Variants in SLC6A6 observed in about 807,000 individuals in gnomAD.
SLC6A6 encodes solute carrier family 6 member 6.
Under a neutral mutation model 68.8 loss-of-function variants are expected in SLC6A6, and 16 were observed. That is an observed-to-expected ratio of 0.23 (90% CI 0.16 to 0.35). The LOEUF is 0.35. Among genes scored for constraint, SLC6A6 ranks in the 10% least tolerant of loss-of-function variants. The probability of loss-of-function intolerance (pLI) is 1.00; values close to 1 mark genes in which losing one functional copy is unlikely to be tolerated. For synonymous variants in SLC6A6, 312 were observed against 315.4 expected (o/e 0.99, Z 0.12); for missense variants, 474 against 802.8 (o/e 0.59, Z 4.95).
chr3:14,454,937 AGCTCCTT>A (rs1700336408), intron 5 of SLC6A6, among the ~76,000 whole-genome samples: 1 of 152,160 alleles, frequency 6.6e-6, no homozygotes, highest in Non-Finnish European at 1.5e-5. Flanking sequence ...TCCAGGACCG[AGCTCCTT>A]AGTAGGACAC....
Position 14,481,797 on chromosome 3 carries a change from G to A in SLC6A6, c.1678G>A (p.Val560Ile), listed in dbSNP as rs200411977. The A allele has an allele frequency of 1.4e-5, 22 of 1,614,132 alleles. No homozygotes were observed. The highest frequency in any genetic ancestry group is 3.3e-4 in the Middle Eastern group (2 of 6,058). Residue 560 changes from valine to isoleucine, a missense_variant, in exon 14 of 15, where the codon GTC becomes ATC. Transcript: ENST00000622186. This position sits in a 1 kb window ranked among gnomAD's most constrained non-coding sequence, Gnocchi z 4.7. ...TTCCTCCATGCTCTGCGTTCCCTTG[G>A]TCATCGTCATCCGCCTCTGCCAGAC... ...ALSSMLCVPLVIVIRLCQTEG... is the reference protein window; with the variant it reads ...ALSSMLCVPLIIVIRLCQTEG...
At chr3:14,471,383 G>T (rs945683501) in intron 9 of SLC6A6, among the ~76,000 whole-genome samples, 5 of 152,192 alleles carry the variant, frequency 3.3e-5, no homozygotes, top group African/African-American at 1.2e-4. Context: ...TTGAAACCCA[G>T]AGCCCTTTTC....
At position 14,468,744 on chromosome 3, in the gene SLC6A6, G is replaced by C. The variant is rs1283269020; in HGVS notation, c.1096+532G>C. 6.6e-6 allele frequency among the ~76,000 whole-genome samples: 1 copy of C among 152,230 alleles called. No individual in the cohort carries two copies. Among genetic ancestry groups the C allele is most frequent in the Non-Finnish European group, 1.5e-5 (1 of 68,042 alleles). ...GTGCAGTGTGTGGGGGGAGGGCGTAGATGAGGGGACGACCTACTGGGACGG... is the reference window on the plus strand; with the variant it reads ...GTGCAGTGTGTGGGGGGAGGGCGTACATGAGGGGACGACCTACTGGGACGG... On this transcript the variant is annotated intron_variant, in intron 9 of 14. Transcript: ENST00000622186. This position sits in a 1 kb window ranked among gnomAD's most constrained non-coding sequence, Gnocchi z 4.5.
chr3:14,435,402 C>A (rs975528208), intron 2 of SLC6A6, among the ~76,000 whole-genome samples: 3 of 152,196 alleles, frequency 2.0e-5, no homozygotes, highest in Non-Finnish European at 4.4e-5. Flanking sequence ...GCAGTTAAAT[C>A]AGGAGAGGGG....
chr3:14,466,136 C>T (rs1196484086), intron 6 of SLC6A6, among the ~76,000 whole-genome samples: 3 of 152,000 alleles, frequency 2.0e-5, no homozygotes, highest in African/African-American at 7.3e-5. Context: ...GTGGTGGGCA[C>T]CCGTAATCCC....
At chr3:14,429,849 G>A (rs531631202) in intron 2 of SLC6A6, among the ~76,000 whole-genome samples, 15 of 152,314 alleles carry the variant, frequency 9.8e-5, no homozygotes, top group East Asian at 7.7e-4. Flanking sequence ...TATGAGGCCC[G>A]CTTACAGGTC....
At chr3:14,446,837 AG>A (rs1700133120) in intron 4 of SLC6A6, among the ~76,000 whole-genome samples, 1 of 152,226 alleles carries the variant, frequency 6.6e-6, no homozygotes, top group Non-Finnish European at 1.5e-5. Flanking sequence ...TCCTATGTTT[AG>A]TACTTAGTAT....
chr3:14,470,586 G>A (rs1041949473), intron 9 of SLC6A6, among the ~76,000 whole-genome samples: 11 of 152,184 alleles, frequency 7.2e-5, no homozygotes, highest in South Asian at 2.1e-4. Flanking sequence ...TCTTCACAAC[G>A]TCCCTGGTGG....
intron 2 of SLC6A6, among the ~76,000 whole-genome samples, chr3:14,426,205 G>A (rs146481709): frequency 2.6e-5 from 4 of 152,268 alleles, no homozygotes; most frequent in Non-Finnish European, 4.4e-5. Flanking sequence ...ACAGCCAGGC[G>A]GTGCCCCAGA....
In SLC6A6 at chr3:14,433,544, A is replaced by G. The variant is rs1574926418; in HGVS notation, c.-11-10080A>G. 2.0e-5 allele frequency among the ~76,000 whole-genome samples: 3 copies of G among 152,230 alleles called. 1 individual carries two copies. The highest frequency in any genetic ancestry group is 2.0e-4 in the Admixed American group (3 of 15,292). ...TAGCTGAGCACGGTAGCTCCCATCT[A>G]TAATCTCAGCACTTTGGGAGGCCAA... On this transcript the variant is annotated intron_variant, in intron 2 of 14. Coordinates refer to ENST00000622186, the MANE Select transcript of SLC6A6 (RefSeq NM_003043.6).
Position 14,450,146 on chromosome 3 carries a change from A to G in SLC6A6, c.599+2330A>G, listed in dbSNP as rs1348822500. ...TTATGAACTTAAAGAATCACCCCCT[A>G]TTGTAAAGGGGTCATCCTCTTCTGG... On this transcript the variant is annotated intron_variant, in intron 5 of 14. Transcript: ENST00000622186. This position sits in a 1 kb window ranked among gnomAD's most constrained non-coding sequence, Gnocchi z 4.1. Among the ~76,000 whole-genome samples, 3 of 151,874 alleles carry G rather than the reference A, an allele frequency of 2.0e-5. No homozygotes were observed. Among genetic ancestry groups the G allele is most frequent in the Non-Finnish European group, 2.9e-5 (2 of 67,972 alleles).
intron 1 of SLC6A6, among the ~76,000 whole-genome samples, chr3:14,414,854 G>C (rs1213126813): frequency 6.6e-6 from 1 of 152,220 alleles, no homozygotes; most frequent in Non-Finnish European, 1.5e-5. Context: ...TCCTCTCTGA[G>C]ATGGGCTGGC....
intron 9 of SLC6A6, among the ~76,000 whole-genome samples, chr3:14,471,518 C>CA (rs1024136781): frequency 3.3e-5 from 5 of 152,118 alleles, no homozygotes; most frequent in African/African-American, 1.2e-4. Flanking sequence ...TGGGGTGATT[C>CA]AAAAAGGAAA....
intron 14 of SLC6A6, among the ~76,000 whole-genome samples, chr3:14,482,335 G>T (rs1190366511): frequency 1.3e-5 from 2 of 152,220 alleles, no homozygotes; most frequent in South Asian, 2.1e-4. Flanking sequence ...CCATGCTGGG[G>T]TCTTCTCCGG....
intron 5 of SLC6A6, among the ~76,000 whole-genome samples, chr3:14,456,634 G>GGACT: frequency 6.6e-6 from 1 of 152,340 alleles, no homozygotes; most frequent in East Asian, 1.9e-4. Flanking sequence ...CCTGACTGTG[G>GGACT]GGGTAATCCC....
At chr3:14,467,455 G>A (rs1376075596) in intron 7 of SLC6A6, among the ~76,000 whole-genome samples, 3 of 152,202 alleles carry the variant, frequency 2.0e-5, no homozygotes, top group African/African-American at 7.2e-5. Flanking sequence ...CATGTAACTG[G>A]CACTGGGCTG....
chr3:14,455,302 A>G (rs1299888302), intron 5 of SLC6A6, among the ~76,000 whole-genome samples: 1 of 152,184 alleles, frequency 6.6e-6, no homozygotes, highest in Non-Finnish European at 1.5e-5. Context: ...GCCTCCCATC[A>G]GTATTGGGCA....
chr3:14,421,580 C>G lies in SLC6A6; in HGVS notation c.-12+5127C>G, dbSNP rs143299783. ...AAATGAAGTTAACATCGTTATTGCT[C>G]GTAGTATTGTGATTATGTTTGGTGC... On this transcript the variant is annotated intron_variant, in intron 2 of 14. Coordinates refer to ENST00000622186, the MANE Select transcript of SLC6A6 (RefSeq NM_003043.6). Among the ~76,000 whole-genome samples, 15 of 152,320 alleles carry G rather than the reference C, an allele frequency of 9.8e-5. No homozygotes were observed. The East Asian group carries it at 2.7e-3, about 27-fold the overall frequency.
intron 4 of SLC6A6, 92 bp downstream of exon 4, chr3:14,445,943 C>A: frequency 1.5e-6 from 2 of 1,295,994 alleles, no homozygotes; most frequent in Non-Finnish European, 1.1e-6. Context: ...TCCATTGGAG[C>A]CTCATGCACA....
Sources: allele counts gnomAD v4.1 joint callset (sites outside exome capture counted in the v4.1 genomes callset), GRCh38; gene constraint gnomAD v4.1.1; non-coding constraint Gnocchi (gnomAD v3.1); transcripts MANE v1.5; gene names NCBI Gene and HGNC (gene_info 2026-07-23, HGNC 2026-07-21).